The following PICALM variants were observed in gnomAD, a reference collection of about 807,000 sequenced individuals.
PICALM encodes phosphatidylinositol binding clathrin assembly protein.
In PICALM, 40 loss-of-function variants were observed where a neutral mutation model predicts 80.5. The observed-to-expected ratio is 0.50, with a 90% CI of 0.39 to 0.65. The LOEUF (loss-of-function observed/expected upper bound fraction) is 0.65. PICALM is among the 30% of genes least tolerant of loss of function. The probability of loss-of-function intolerance (pLI) is 0.00; values close to 1 mark genes in which losing one functional copy is unlikely to be tolerated. For missense variants in PICALM, 676 were observed against 778.9 expected (o/e 0.87, Z 1.57); for synonymous variants, 288 against 260.3 (o/e 1.11, Z -1.02).
chr11:86,051,425 T>C (rs2096184559), intron 1 of PICALM, among the ~76,000 whole-genome samples: 1 of 152,142 alleles, frequency 6.6e-6, no homozygotes, highest in Admixed American at 6.6e-5. Flanking sequence ...CTTTGGGAGA[T>C]GGAGGTGGGC....
At chr11:86,037,163 C>A (rs2095856383) in intron 1 of PICALM, among the ~76,000 whole-genome samples, 1 of 149,684 alleles carries the variant, frequency 6.7e-6, no homozygotes, top group Admixed American at 6.7e-5. Flanking sequence ...CCAGGATGGT[C>A]TCAATCTCTT....
At chr11:85,999,013 T>A (rs1293723702) in intron 11 of PICALM, among the ~76,000 whole-genome samples, 1 of 152,240 alleles carries the variant, frequency 6.6e-6, no homozygotes, top group Non-Finnish European at 1.5e-5. Flanking sequence ...GGGATACATA[T>A]GATATTGTGA....
intron 2 of PICALM, among the ~76,000 whole-genome samples, chr11:86,028,608 T>C (rs1009357144): frequency 1.3e-5 from 2 of 152,178 alleles, no homozygotes; most frequent in African/African-American, 4.8e-5. Context: ...ACTATCATAT[T>C]ATTGAGGAAG....
At chr11:86,051,615 C>T (rs1479789489) in intron 1 of PICALM, among the ~76,000 whole-genome samples, 2 of 152,050 alleles carry the variant, frequency 1.3e-5, no homozygotes, top group East Asian at 1.9e-4. Flanking sequence ...GAGCTGACAT[C>T]GCGACACTGC....
chr11:85,961,880 T>TATTC (rs2093701026), intron 19 of PICALM, among the ~76,000 whole-genome samples: 1 of 151,952 alleles, frequency 6.6e-6, no homozygotes, highest in African/African-American at 2.4e-5. Context: ...TTTATTTATT[T>TATTC]ATTTATTTTC....
At chr11:86,015,942 A>T (rs1267272608) in intron 4 of PICALM, among the ~76,000 whole-genome samples, 1 of 152,228 alleles carries the variant, frequency 6.6e-6, no homozygotes, top group Non-Finnish European at 1.5e-5. Context: ...AGGACACAAC[A>T]AAGTTTAATA....
chr11:86,055,365 A>G (rs1331216388), intron 1 of PICALM, among the ~76,000 whole-genome samples: 1 of 152,176 alleles, frequency 6.6e-6, no homozygotes, highest in Non-Finnish European at 1.5e-5. Flanking sequence ...ACATACAATG[A>G]CACTATTATT....
At position 86,057,591 on chromosome 11, in the gene PICALM, G is replaced by A. The variant is rs531008321; in HGVS notation, c.130+11060C>T. 2.4e-4 allele frequency among the ~76,000 whole-genome samples: 36 copies of A among 151,836 alleles called. 1 individual carries two copies. The South Asian group carries it at 6.5e-3, about 27-fold the overall frequency. ...ATAAATAATGAATAAAAAATTATGT[G>A]TGTGTGTGTGTATGTACACACAATT... On this transcript the variant is annotated intron_variant, in intron 1 of 19. Coordinates refer to ENST00000393346, the MANE Select transcript of PICALM (RefSeq NM_007166.4).
At chr11:86,042,879 C>G (rs1251717640) in intron 1 of PICALM, among the ~76,000 whole-genome samples, 1 of 152,076 alleles carries the variant, frequency 6.6e-6, no homozygotes, top group Non-Finnish European at 1.5e-5. Context: ...AAGTGCAGAT[C>G]AGAGTACTAT....
intron 15 of PICALM, 33 bp downstream of exon 15, chr11:85,981,839 A>G (rs376324400): frequency 6.2e-6 from 10 of 1,612,400 alleles, no homozygotes; most frequent in East Asian, 2.2e-5. Context: ...AAAACAACAT[A>G]AAAGAAGATT....
chr11:86,008,745 G>A (rs1592847956), intron 7 of PICALM, among the ~76,000 whole-genome samples: 1 of 151,994 alleles, frequency 6.6e-6, no homozygotes, highest in South Asian at 2.1e-4. Flanking sequence ...GAACTAAGGC[G>A]TTCTAATTAA....
intron 12 of PICALM, among the ~76,000 whole-genome samples, chr11:85,994,567 G>A (rs1205149093): frequency 6.6e-6 from 1 of 151,798 alleles, no homozygotes; most frequent in Non-Finnish European, 1.5e-5. Context: ...CAAGATTTGG[G>A]GATTATGAAA....
At chr11:86,000,479 ACTTTAT>A (rs1317105022) in intron 11 of PICALM, among the ~76,000 whole-genome samples, 158 bp downstream of exon 11, 3 of 152,200 alleles carry the variant, frequency 2.0e-5, no homozygotes, top group South Asian at 2.1e-4. Context: ...TAAACTCATC[ACTTTAT>A]CTTTAGGTAT....
At chr11:85,982,261 A>T (rs892408319) in intron 14 of PICALM, 2 of 361,996 alleles carry the variant, frequency 5.5e-6, no homozygotes, top group Admixed American at 8.0e-5. Context: ...AGGGGATAAG[A>T]GAGAAGTATT....
rs11340669 is a variant in PICALM, at chr11:86,035,780, T to TA, written c.131-4170dup. 9.1e-3 allele frequency among the ~76,000 whole-genome samples: 1,362 copies of TA among 149,202 alleles called. 37 individuals carry two copies. Among genetic ancestry groups the TA allele is most frequent in the East Asian group, 0.062 (313 of 5,026 alleles). ...CAACATGGTGAAACTCTGTCTCTAC[T>TA]AAAAAAAAAACACAAAAATTAGCCG... is the stretch of plus-strand genomic sequence containing the variant. On this transcript the variant is annotated intron_variant, in intron 1 of 19. Coordinates refer to ENST00000393346, the MANE Select transcript of PICALM (RefSeq NM_007166.4).
At chr11:86,024,627 C>T (rs1031486875) in intron 3 of PICALM, among the ~76,000 whole-genome samples, 1 of 151,984 alleles carries the variant, frequency 6.6e-6, no homozygotes, top group Non-Finnish European at 1.5e-5. Flanking sequence ...CTCTCTACTG[C>T]ATTATAAAAT....
intron 16 of PICALM, 56 bp downstream of exon 16, chr11:85,981,689 A>G (rs1565273878): frequency 7.6e-7 from 1 of 1,307,580 alleles, no homozygotes; most frequent in Non-Finnish European, 1.1e-6. Flanking sequence ...CAAATAACAC[A>G]TGGAGAAAAC....
intron 1 of PICALM, among the ~76,000 whole-genome samples, chr11:86,061,974 G>A (rs977606986): frequency 4.6e-5 from 7 of 151,944 alleles, no homozygotes; most frequent in African/African-American, 1.4e-4. Context: ...TGAGGAAATC[G>A]TAAACGCATA....
chr11:86,015,226 A>G (rs1371267624), intron 4 of PICALM, among the ~76,000 whole-genome samples: 2 of 152,214 alleles, frequency 1.3e-5, no homozygotes, highest in African/African-American at 4.8e-5. Flanking sequence ...AAAAGTATAC[A>G]TTATACAGCA....
Sources: gnomAD v4.1 joint callset for allele counts (sites outside exome capture counted in the v4.1 genomes callset) on GRCh38, gnomAD v4.1.1 for gene constraint, MANE v1.5 for transcripts, NCBI Gene and HGNC (gene_info 2026-07-23, HGNC 2026-07-21) for gene names.